DENND11: variants seen among roughly 807,000 people sequenced by gnomAD.
DENND11 encodes the protein DENN domain containing 11.
DENND11 carries 34 observed loss-of-function variants against 49.2 expected under a neutral mutation model. The observed-to-expected ratio is 0.69, with a 90% CI of 0.53 to 0.92. DENND11 has a LOEUF of 0.92. DENND11 is among the 40% of genes least tolerant of loss of function. The pLI is 0.00. For missense variants in DENND11, 475 were observed against 581.6 expected (o/e 0.82, Z 1.88); for synonymous variants, 238 against 230.3 (o/e 1.03, Z -0.30).
At chr7:141,690,610 A>G (rs1798312607) in intron 1 of DENND11, among the ~76,000 whole-genome samples, 1 of 152,162 alleles carries the variant, frequency 6.6e-6, no homozygotes, top group Non-Finnish European at 1.5e-5. Flanking sequence ...CAATATGCAC[A>G]TTTCTACTGA....
At chr7:141,695,390 A>C (rs1302622526) in intron 1 of DENND11, among the ~76,000 whole-genome samples, 1 of 148,122 alleles carries the variant, frequency 6.8e-6, no homozygotes, top group Non-Finnish European at 1.5e-5. Context: ...AGGACTTTGC[A>C]AAAGCCAAAA....
At chr7:141,686,159 C>T (rs1251429728) in intron 2 of DENND11, among the ~76,000 whole-genome samples, 2 of 152,198 alleles carry the variant, frequency 1.3e-5, no homozygotes, top group African/African-American at 4.8e-5. Context: ...TCTCGCAAAA[C>T]TCTCTGAATG....
intron 5 of DENND11, 56 bp from the exon 6 acceptor site, chr7:141,665,374 C>T (rs1384275498): frequency 1.2e-6 from 2 of 1,603,758 alleles, no homozygotes; most frequent in Non-Finnish European, 1.7e-6. Context: ...GCCCTTCCTC[C>T]CTCGGAGCCT....
In DENND11 at chr7:141,685,982, C is replaced by T. The variant is rs574074816; in HGVS notation, c.369-346G>A. 5.1e-4 allele frequency among the ~76,000 whole-genome samples: 77 copies of T among 152,340 alleles called. 1 individual carries two copies. The highest frequency in any genetic ancestry group is 1.6e-3 in the African/African-American group (65 of 41,586). On this transcript the variant is annotated intron_variant, in intron 2 of 8. Transcript: ENST00000536163. ...CTCCTCTGGAACTTGGACTCTCTTTCGTAGCATAAACCACAGTGATTCTTC... is the reference window on the plus strand; with the variant it reads ...CTCCTCTGGAACTTGGACTCTCTTTTGTAGCATAAACCACAGTGATTCTTC...
chr7:141,685,845 G>T (rs887042320), intron 2 of DENND11, among the ~76,000 whole-genome samples: 2 of 152,170 alleles, frequency 1.3e-5, no homozygotes, highest in African/African-American at 4.8e-5. Flanking sequence ...CTGGGACTTA[G>T]TCCGTGGCAA....
At chr7:141,695,104 T>A (rs945986427) in intron 1 of DENND11, among the ~76,000 whole-genome samples, 3 of 152,192 alleles carry the variant, frequency 2.0e-5, no homozygotes, top group Admixed American at 6.5e-5. Context: ...TTAAAAAAAA[T>A]GTGCCACTGA....
intron 2 of DENND11, 36 bp from the exon 3 acceptor site, chr7:141,685,672 C>G (rs1307322929): frequency 1.2e-6 from 2 of 1,607,160 alleles, no homozygotes; most frequent in Non-Finnish European, 1.7e-6. Flanking sequence ...GGCTCAAGAT[C>G]AGAGAGGAAT....
intron 7 of DENND11, 31 bp downstream of exon 7, chr7:141,664,871 GGA>G (rs774433946): frequency 6.3e-7 from 1 of 1,591,858 alleles, no homozygotes; most frequent in South Asian, 1.1e-5. Flanking sequence ...TGAGGAGGGT[GGA>G]GCCCCTGGTT....
chr7:141,664,530 T>A (rs2117051236), intron 7 of DENND11, among the ~76,000 whole-genome samples: 1 of 152,274 alleles, frequency 6.6e-6, no homozygotes, highest in Non-Finnish European at 1.5e-5. Context: ...CAGATACATA[T>A]AAGCAAGCTT....
intron 4 of DENND11, among the ~76,000 whole-genome samples, chr7:141,670,613 C>A (rs1171608759): frequency 6.6e-6 from 1 of 152,150 alleles, no homozygotes; most frequent in Non-Finnish European, 1.5e-5. Flanking sequence ...TAGGATGTAG[C>A]CCCACGTTAA....
At chr7:141,699,187 G>T (rs972982839) in intron 1 of DENND11, among the ~76,000 whole-genome samples, 9 of 152,100 alleles carry the variant, frequency 5.9e-5, no homozygotes, top group Non-Finnish European at 1.2e-4. Context: ...GTCTGGGTGG[G>T]CCAATATTAA....
At position 141,663,808 on chromosome 7, in the gene DENND11, T is replaced by C. The variant is rs1298712393; in HGVS notation, c.1172+364A>G. 6 of 212,178 alleles carry C rather than the reference T, an allele frequency of 2.8e-5. No homozygotes were observed. In the Admixed American group the frequency reaches 3.3e-4, roughly 12 times the overall value. The allele number at this position is 212,178 out of a possible 1,614,324, so 13.1% of individuals were successfully genotyped here. ...AGAATTAAAATTTCAGATTATCCCA[T>C]AATATTCAGCGCAAGGAACTACTCT... is the stretch of plus-strand genomic sequence containing the variant. On this transcript the variant is annotated intron_variant, in intron 8 of 8. Transcript: ENST00000536163.
At chr7:141,667,210 C>G in intron 4 of DENND11, among the ~76,000 whole-genome samples, 1 of 152,124 alleles carries the variant, frequency 6.6e-6, no homozygotes, top group African/African-American at 2.4e-5. Flanking sequence ...CGTGAGCCAC[C>G]ACGACTGGCC....
At chr7:141,666,232 A>T in intron 5 of DENND11, 55 bp downstream of exon 5, 1 of 1,515,934 alleles carries the variant, frequency 6.6e-7, no homozygotes. Flanking sequence ...GAAAGACTCA[A>T]GCAGTTTCTG....
In DENND11 at chr7:141,692,228, T is replaced by C. The variant is rs141284326; in HGVS notation, c.269-5570A>G. Among the ~76,000 whole-genome samples the C allele has an allele frequency of 1.2e-4, 19 of 152,286 alleles. No homozygotes were observed. In the East Asian group the frequency reaches 3.7e-3, roughly 29 times the overall value. On this transcript the variant is annotated intron_variant, in intron 1 of 8. Coordinates refer to ENST00000536163, the MANE Select transcript of DENND11 (RefSeq NM_001080392.2). ...TTTCATATTCACTTATGCTATAGACTCAATGCAATCCCAATCAAAATCCCA... is the reference window on the plus strand; with the variant it reads ...TTTCATATTCACTTATGCTATAGACCCAATGCAATCCCAATCAAAATCCCA...
rs1222937614 is a variant in DENND11 at position 141,658,908 on chromosome 7, G to T, written c.*3748C>A. On this transcript the variant is annotated 3_prime_UTR_variant, in exon 9 of 9. Transcript: ENST00000536163. ...TTACTGTGTTTGAAGGGCTTTCAGT[G>T]CATCAAGACTGAGAGCAAATTCATC... 6.6e-6 allele frequency: 1 copy of T among 152,552 alleles called. No homozygotes were observed. Among genetic ancestry groups the T allele is most frequent in the Non-Finnish European group, 1.5e-5 (1 of 68,022 alleles). The allele number at this position is 152,552 out of a possible 1,614,324, so 9.4% of individuals were successfully genotyped here.
At position 141,702,161 on chromosome 7, in the gene DENND11, C is replaced by T. The variant is rs1228572583; in HGVS notation, c.-8G>A. The T allele has an allele frequency of 2.1e-6, 2 of 971,664 alleles. No homozygotes were observed. The highest frequency in any genetic ancestry group is 2.4e-6 in the Non-Finnish European group (2 of 819,920). 60.2% of individuals were successfully genotyped at this position (971,664 alleles called of 1,614,324 possible). On this transcript the variant is annotated 5_prime_UTR_variant, in exon 1 of 9. Transcript: ENST00000536163. ...GTCTCCCTGCTCCACCATGGCTAGG[C>T]GAGGCGGAGCCGCGGGCGCGAGGGG...
At chr7:141,693,298 A>G (rs1798354894) in intron 1 of DENND11, among the ~76,000 whole-genome samples, 1 of 152,250 alleles carries the variant, frequency 6.6e-6, no homozygotes, top group African/African-American at 2.4e-5. Flanking sequence ...AAATTAAAAT[A>G]ACAATGAGAT....
At chr7:141,685,338 GAGGC>G in intron 3 of DENND11, 136 bp downstream of exon 3, 1 of 1,035,928 alleles carries the variant, frequency 9.7e-7, no homozygotes, top group African/African-American at 1.6e-5. Flanking sequence ...GACACCACCC[GAGGC>G]GTGAAACATC....
Sources: allele counts gnomAD v4.1 joint callset (sites outside exome capture counted in the v4.1 genomes callset), GRCh38; gene constraint gnomAD v4.1.1; transcripts MANE v1.5; gene names NCBI Gene and HGNC (gene_info 2026-07-23, HGNC 2026-07-21).